GADL1: variants seen among roughly 807,000 people sequenced by gnomAD.
GADL1 encodes the protein GAD like acidic amino acid decarboxylase 1.
In GADL1, 71 loss-of-function variants were observed where a neutral mutation model predicts 69.5. That is an observed-to-expected ratio of 1.02 (90% confidence interval 0.84 to 1.25). The LOEUF (loss-of-function observed/expected upper bound fraction) is 1.25, where lower values mean the gene tolerates loss of function less well. GADL1 is among the 50% of genes most tolerant of loss of function. The pLI is 0.00. For synonymous variants in GADL1, 254 were observed against 214.4 expected (o/e 1.18, Z -1.62); for missense variants, 737 against 631.8 (o/e 1.17, Z -1.79).
rs115906755 is a variant in GADL1 at position 30,856,205 on chromosome 3, T to G, written c.337+810A>C. Among the ~76,000 whole-genome samples, 636 of 152,198 alleles carry G rather than the reference T, an allele frequency of 4.2e-3. 8 individuals are homozygous for G. Among genetic ancestry groups the G allele is most frequent in the Non-Finnish European group, 3.7e-3 (252 of 67,976 alleles). Reference sequence around the variant, plus strand: ...TTAGCCAGAATTTTACTATGTTCTTTCCACTAAACTTAGTCCAGTGTCAGA... The same window carrying G: ...TTAGCCAGAATTTTACTATGTTCTTGCCACTAAACTTAGTCCAGTGTCAGA... On this transcript the variant is annotated intron_variant, in intron 3 of 14. Transcript: ENST00000282538.
At chr3:30,798,479 G>A (rs1179460401) in intron 12 of GADL1, 4 of 152,074 alleles carry the variant, frequency 2.6e-5, no homozygotes, top group African/African-American at 7.2e-5. Flanking sequence ...GCAGTATGGG[G>A]GAAACCACCC....
intron 1 of GADL1, among the ~76,000 whole-genome samples, chr3:30,884,220 A>G (rs539477649): frequency 1.3e-5 from 2 of 152,186 alleles, no homozygotes; most frequent in East Asian, 3.9e-4. Flanking sequence ...TAAGTAGAAT[A>G]TTTGAACCGC....
At position 30,728,166 on chromosome 3, in the gene GADL1, C is replaced by T; in HGVS notation, c.*76G>A. 1.5e-6 allele frequency: 2 copies of T among 1,305,826 alleles called. No individual in the cohort carries two copies. Among genetic ancestry groups the T allele is most frequent in the Non-Finnish European group, 1.1e-6 (1 of 913,494 alleles). 80.9% of individuals were successfully genotyped at this position (1,305,826 alleles called of 1,614,324 possible). The stretch of plus-strand genomic sequence containing the variant: ...TTCTCATCAGAAGGGCTGCAATCTA[C>T]TGTGTATCTCCAAGATGTTCTGGAT... On this transcript the variant is annotated 3_prime_UTR_variant, in exon 15 of 15. Transcript: ENST00000282538.
chr3:30,849,896 C>T, intron 6 of GADL1, 100 bp downstream of exon 6: 1 of 700,500 alleles, frequency 1.4e-6, no homozygotes, highest in Admixed American at 2.3e-5. Context: ...ATATTAGTCA[C>T]ATGGGTATAG....
intron 14 of GADL1, among the ~76,000 whole-genome samples, chr3:30,734,591 A>C (rs903200438): frequency 2.0e-5 from 3 of 152,202 alleles, no homozygotes; most frequent in African/African-American, 4.8e-5. Flanking sequence ...TGCAAAAAAG[A>C]AAGTGGTTGT....
At chr3:30,782,101 G>T (rs1696678882) in intron 13 of GADL1, among the ~76,000 whole-genome samples, 1 of 152,204 alleles carries the variant, frequency 6.6e-6, no homozygotes, top group Admixed American at 6.5e-5. Flanking sequence ...CTGAAGAGAG[G>T]TGAAGCTAGA....
intron 13 of GADL1, 35 bp downstream of exon 13, chr3:30,786,320 G>A (rs1559499457): frequency 7.2e-7 from 1 of 1,390,832 alleles, no homozygotes. Context: ...ACTGTTAACT[G>A]ACAAAATCAC....
chr3:30,786,383 T>C lies in GADL1; in HGVS notation c.1274A>G (p.Lys425Arg), dbSNP rs757377092. Residue 425 changes from lysine (K) to arginine (R), a missense_variant, in exon 13 of 15, where the codon AAA becomes AGA. Physicochemically the swap from Lys to Arg is conservative, Grantham distance 26. Coordinates refer to ENST00000282538, the MANE Select transcript of GADL1 (RefSeq NM_207359.3). The stretch of plus-strand genomic sequence containing the variant: ...CATCAGTAACTTGAATCCTTCTCTT[T>C]TCTTGATTTCATCTACTAGGTACCT... ...LSRYLVDEIKKREGFKLLMEP... is the reference protein window; with the variant it reads ...LSRYLVDEIKRREGFKLLMEP... 3 of 1,543,510 alleles carry C rather than the reference T, an allele frequency of 1.9e-6. No individual in the cohort carries two copies. The South Asian group carries it at 3.4e-5, about 17-fold the overall frequency.
intron 11 of GADL1, among the ~76,000 whole-genome samples, chr3:30,830,787 A>C (rs955373168): frequency 6.6e-6 from 1 of 151,936 alleles, no homozygotes; most frequent in Non-Finnish European, 1.5e-5. Context: ...CCTCACTTGA[A>C]TATACCTCTT....
chr3:30,728,334 A>T lies in GADL1; in HGVS notation c.1474T>A (p.Phe492Ile). ...GGGCTGATCACCACCTGGCGGAAGAAGTTGACCTTTCCCCGGTGCGGCTGG... is the reference window on the plus strand; with the variant it reads ...GGGCTGATCACCACCTGGCGGAAGATGTTGACCTTTCCCCGGTGCGGCTGG... ...GYQPHRGKVNFFRQVVISPQV... is the reference protein window; with the variant it reads ...GYQPHRGKVNIFRQVVISPQV... Residue 492 changes from phenylalanine (F) to isoleucine (I), a missense_variant, in exon 15 of 15, where the codon TTC becomes ATC. Coordinates refer to ENST00000282538, the MANE Select transcript of GADL1 (RefSeq NM_207359.3). 1 of 1,613,926 alleles carries T rather than the reference A, an allele frequency of 6.2e-7. No homozygotes were observed. Among genetic ancestry groups the T allele is most frequent in the African/African-American group, 1.3e-5 (1 of 75,044 alleles).
intron 11 of GADL1, among the ~76,000 whole-genome samples, chr3:30,822,415 C>T (rs567881509): frequency 1.4e-4 from 22 of 152,052 alleles, no homozygotes; most frequent in Non-Finnish European, 1.6e-4. Flanking sequence ...TAGCTGCTTT[C>T]GTGGTAATGA....
At chr3:30,847,192 C>T (rs139330313) in intron 6 of GADL1, among the ~76,000 whole-genome samples, 1 of 152,282 alleles carries the variant, frequency 6.6e-6, no homozygotes, top group East Asian at 1.9e-4. Flanking sequence ...CTATTTAGCA[C>T]TAGAGAGGCA....
At chr3:30,821,189 G>T (rs1442810478) in intron 11 of GADL1, among the ~76,000 whole-genome samples, 1 of 152,020 alleles carries the variant, frequency 6.6e-6, no homozygotes, top group Non-Finnish European at 1.5e-5. Flanking sequence ...GGGGAGGCGG[G>T]GAGAGAGGAG....
chr3:30,829,631 A>G (rs192753224), intron 11 of GADL1, among the ~76,000 whole-genome samples: 1 of 152,054 alleles, frequency 6.6e-6, no homozygotes, highest in East Asian at 1.9e-4. Flanking sequence ...GGGTAAGGGA[A>G]AAATTCAAAT....
chr3:30,869,173 A>G (rs1027263715), intron 1 of GADL1, among the ~76,000 whole-genome samples: 2 of 151,792 alleles, frequency 1.3e-5, no homozygotes, highest in Non-Finnish European at 2.9e-5. Flanking sequence ...AAAACTGAAG[A>G]TATATTTTCT....
chr3:30,744,610 AGACCGAGGCG>A (rs1037384392), intron 14 of GADL1, among the ~76,000 whole-genome samples: 5 of 152,164 alleles, frequency 3.3e-5, no homozygotes, highest in Non-Finnish European at 4.4e-5. Flanking sequence ...ACTACTTGGG[AGACCGAGGCG>A]GGAGGATTGC....
intron 14 of GADL1, among the ~76,000 whole-genome samples, chr3:30,768,045 C>CT (rs1183680176): frequency 1.5e-5 from 2 of 137,368 alleles, no homozygotes; most frequent in African/African-American, 5.4e-5. Flanking sequence ...ACCCCCCCCC[C>CT]CCTTATCCTT....
chr3:30,844,374 C>T lies in GADL1; in HGVS notation c.731+13G>A. 6.2e-7 allele frequency: 1 copy of T among 1,606,046 alleles called. No homozygotes were observed. Among genetic ancestry groups the T allele is most frequent in the Middle Eastern group, 1.7e-4 (1 of 6,044 alleles). On this transcript the variant is annotated intron_variant, in intron 7 of 14. Coordinates refer to ENST00000282538, the MANE Select transcript of GADL1 (RefSeq NM_207359.3). ...CCTCCACCCACCAGGCTTCCAGATC[C>T]TGTTCCCATTACCTTCCATCTGTTT...
At chr3:30,807,302 T>C (rs1697272635) in intron 11 of GADL1, among the ~76,000 whole-genome samples, 1 of 152,214 alleles carries the variant, frequency 6.6e-6, no homozygotes, top group Non-Finnish European at 1.5e-5. Flanking sequence ...TCCCCACTGT[T>C]TATGAAATGA....
Sources: gnomAD v4.1 joint callset for allele counts (sites outside exome capture counted in the v4.1 genomes callset) on GRCh38, gnomAD v4.1.1 for gene constraint, MANE v1.5 for transcripts, NCBI Gene and HGNC (gene_info 2026-07-23, HGNC 2026-07-21) for gene names.